The following GNAZ variants were observed in gnomAD, a reference collection of about 807,000 sequenced individuals.
GNAZ encodes the protein guanine nucleotide-binding protein G(z) subunit alpha.
Under a neutral mutation model 25.4 loss-of-function variants are expected in GNAZ, and 3 were observed. The ratio of observed to expected loss-of-function variants is 0.12; its 90% CI spans 0.05 to 0.30. The LOEUF (loss-of-function observed/expected upper bound fraction) is 0.30, where lower values mean the gene tolerates loss of function less well. GNAZ is among the 10% of genes least tolerant of loss of function. The pLI is 1.00. For synonymous variants in GNAZ, 211 were observed against 205.7 expected (o/e 1.03, Z -0.22); for missense variants, 241 against 501.8 (o/e 0.48, Z 4.97).
intron 2 of GNAZ, among the ~76,000 whole-genome samples, chr22:23,111,350 G>A (rs2069652961): frequency 6.6e-6 from 1 of 152,246 alleles, no homozygotes. Context: ...CCAGGCCAGG[G>A]GAGAGAGGCA....
intron 1 of GNAZ, among the ~76,000 whole-genome samples, chr22:23,090,018 ACCT>A (rs2068923311): frequency 6.6e-6 from 1 of 151,410 alleles, no homozygotes; most frequent in Admixed American, 6.6e-5. Flanking sequence ...GTCCTAAGCG[ACCT>A]CCTGGTGAAT....
intron 1 of GNAZ, among the ~76,000 whole-genome samples, chr22:23,073,063 C>A (rs922652384): frequency 1.3e-5 from 2 of 152,238 alleles, no homozygotes; most frequent in African/African-American, 4.8e-5. Context: ...TGTGCGGCTT[C>A]CTCCCCTGGA....
intron 1 of GNAZ, among the ~76,000 whole-genome samples, chr22:23,077,194 AC>A (rs2146258517): frequency 6.6e-6 from 1 of 151,812 alleles, no homozygotes; most frequent in East Asian, 1.9e-4. Flanking sequence ...GCTTTAACCC[AC>A]CCTATCTCTC....
At chr22:23,093,896 A>G (rs933355803) in intron 1 of GNAZ, among the ~76,000 whole-genome samples, 1 of 152,158 alleles carries the variant, frequency 6.6e-6, no homozygotes, top group Non-Finnish European at 1.5e-5. Context: ...CAGGGAGAGG[A>G]CAGCCCACCA....
At position 23,123,292 on chromosome 22, in the gene GNAZ, A is replaced by T; in HGVS notation, c.929A>T (p.Asp310Val). Residue 310 changes from aspartate to valine, a missense_variant, in exon 3 of 3, where the codon GAC becomes GTC. By Grantham distance (152) the Asp-to-Val change is radical. Transcript: ENST00000615612. ...AAVYIQRQFEDLNRNKETKEI... is the reference protein window; with the variant it reads ...AAVYIQRQFEVLNRNKETKEI... ...GTCTACATCCAGCGGCAGTTTGAAG[A>T]CCTGAACCGCAACAAGGAGACCAAG... 6.2e-7 allele frequency: 1 copy of T among 1,613,986 alleles called. No homozygotes were observed. Among genetic ancestry groups the T allele is most frequent in the Non-Finnish European group, 8.5e-7 (1 of 1,179,952 alleles).
chr22:23,079,215 C>T (rs1461596700), intron 1 of GNAZ, among the ~76,000 whole-genome samples: 1 of 152,230 alleles, frequency 6.6e-6, no homozygotes, highest in African/African-American at 2.4e-5. Flanking sequence ...TGGGGCAAGG[C>T]AGCACACGTG....
chr22:23,119,706 G>A lies in GNAZ; in HGVS notation c.724-3381G>A, dbSNP rs146322767. On this transcript the variant is annotated intron_variant, in intron 2 of 2. Coordinates refer to ENST00000615612, the MANE Select transcript of GNAZ (RefSeq NM_002073.4). ...CAGGGACGCTGGGATGGAGTGAGGC[G>A]GCAAGCTCAGGTGCTTCCCACGCTC... Among the ~76,000 whole-genome samples, 9 of 152,322 alleles carry A rather than the reference G, an allele frequency of 5.9e-5. No individual in the cohort carries two copies. In the South Asian group the frequency reaches 6.2e-4, roughly 11 times the overall value.
chr22:23,104,561 G>A (rs930165350), intron 2 of GNAZ, among the ~76,000 whole-genome samples: 1 of 152,158 alleles, frequency 6.6e-6, no homozygotes, highest in Non-Finnish European at 1.5e-5. Flanking sequence ...AACAGCTCTG[G>A]GTTTTAAGAC....
Position 23,123,542 on chromosome 22 carries a change from G to T in GNAZ, c.*111G>T. The T allele has an allele frequency of 1.5e-6, 1 of 665,410 alleles. No homozygotes were observed. The highest frequency in any genetic ancestry group is 2.6e-6 in the Non-Finnish European group (1 of 385,520). 41.2% of individuals were successfully genotyped at this position (665,410 alleles called of 1,614,324 possible). A position where few individuals can be genotyped will look rare whatever the true frequency, so the allele number is the denominator to read the frequency against. ...GCAGAAAACAGGGGGCCTAAAGAAT[G>T]TCCCCCACCCCTTGGCCTCTGCCTC... On this transcript the variant is annotated 3_prime_UTR_variant, in exon 3 of 3. Coordinates refer to ENST00000615612, the MANE Select transcript of GNAZ (RefSeq NM_002073.4).
intron 2 of GNAZ, among the ~76,000 whole-genome samples, chr22:23,117,714 A>G (rs913829865): frequency 1.3e-5 from 2 of 152,194 alleles, no homozygotes; most frequent in African/African-American, 4.8e-5. Flanking sequence ...CAGTCCCAGC[A>G]TTGTACAGAT....
In GNAZ at chr22:23,123,308, G is replaced by A. The variant is rs763865932; in HGVS notation, c.945G>A (p.Lys315=). 4 of 1,613,988 alleles carry A rather than the reference G, an allele frequency of 2.5e-6. No homozygotes were observed. In the South Asian group the frequency reaches 4.4e-5, roughly 18 times the overall value. ...AGTTTGAAGACCTGAACCGCAACAA[G>A]GAGACCAAGGAGATCTACTCCCACT... The part of the protein sequence containing the change: ...QRQFEDLNRN[K]ETKEIYSHFT... Residue 315 remains lysine, a synonymous_variant, in exon 3 of 3, where the codon AAG becomes AAA. Coordinates refer to ENST00000615612, the MANE Select transcript of GNAZ (RefSeq NM_002073.4).
intron 2 of GNAZ, among the ~76,000 whole-genome samples, chr22:23,102,550 G>A (rs909069927): frequency 6.6e-6 from 1 of 152,218 alleles, no homozygotes; most frequent in African/African-American, 2.4e-5. Context: ...TCAGAGGTCA[G>A]CCACAAGGCA....
intron 2 of GNAZ, among the ~76,000 whole-genome samples, chr22:23,112,711 G>A (rs1007556721): frequency 8.5e-5 from 13 of 152,178 alleles, no homozygotes; most frequent in Non-Finnish European, 1.8e-4. Flanking sequence ...ATGCAGCTGC[G>A]ACCTGTAGAC....
At chr22:23,096,506 G>A (rs2069128096) in intron 2 of GNAZ, 88 bp downstream of exon 2, 2 of 1,380,774 alleles carry the variant, frequency 1.4e-6, no homozygotes, top group Admixed American at 2.1e-5. Flanking sequence ...AGGACAGTCT[G>A]CAGCCAGAAA....
intron 1 of GNAZ, among the ~76,000 whole-genome samples, chr22:23,085,269 A>G (rs1429148945): frequency 2.0e-5 from 3 of 152,142 alleles, no homozygotes; most frequent in Non-Finnish European, 4.4e-5. Flanking sequence ...TTTATTTGAA[A>G]TGGCCTGGCT....
At chr22:23,086,275 C>T (rs2068818012) in intron 1 of GNAZ, among the ~76,000 whole-genome samples, 1 of 152,222 alleles carries the variant, frequency 6.6e-6, no homozygotes, top group African/African-American at 2.4e-5. Flanking sequence ...CAGAGGCCTG[C>T]AGACTCCCAG....
intron 1 of GNAZ, among the ~76,000 whole-genome samples, chr22:23,086,574 G>T (rs2068826084): frequency 6.6e-6 from 1 of 152,204 alleles, no homozygotes; most frequent in South Asian, 2.1e-4. Context: ...AGCCACAGCT[G>T]GGACCCAGAG....
rs367612065 is a variant in GNAZ at position 23,123,212 on chromosome 22, G to A, written c.849G>A (p.Pro283=). The stretch of plus-strand genomic sequence containing the variant: ...TGGCAGAGAAGATCCGCCGCATCCC[G>A]CTCACCATCTGCTTTCCCGAGTACA... ...DLLAEKIRRI[P]LTICFPEYKG... Residue 283 remains proline (P), a synonymous_variant, in exon 3 of 3, where the codon CCG becomes CCA. Transcript: ENST00000615612. 54 of 1,613,846 alleles carry A rather than the reference G, an allele frequency of 3.3e-5. No homozygotes were observed. Among genetic ancestry groups the A allele is most frequent in the African/African-American group, 2.9e-4 (22 of 74,884 alleles).
intron 2 of GNAZ, among the ~76,000 whole-genome samples, chr22:23,098,190 G>C (rs1012951071): frequency 2.0e-5 from 3 of 152,238 alleles, no homozygotes; most frequent in South Asian, 2.1e-4. Flanking sequence ...TCTAGCCGTG[G>C]TCAGCTTGTT....
Sources: gnomAD v4.1 joint callset for allele counts (sites outside exome capture counted in the v4.1 genomes callset) on GRCh38, gnomAD v4.1.1 for gene constraint, MANE v1.5 for transcripts, NCBI Gene and HGNC (gene_info 2026-07-23, HGNC 2026-07-21) for gene names.